FBN3: variants seen among roughly 807,000 people sequenced by gnomAD.
The protein encoded by FBN3 is fibrillin 3, also known as fibrillin-3.
Under a neutral mutation model 330.1 loss-of-function variants are expected in FBN3, and 234 were observed. The observed-to-expected ratio is 0.71, with a 90% CI of 0.64 to 0.79. FBN3 has a LOEUF of 0.79. FBN3 is among the 30% of genes least tolerant of loss of function. The pLI is 0.00. For synonymous variants in FBN3, 1,458 were observed against 1,517.3 expected (o/e 0.96, Z 0.91); for missense variants, 3,606 against 3,886.9 (o/e 0.93, Z 1.92).
chr19:8,085,625 A>G, intron 55 of FBN3, 56 bp from the exon 56 acceptor site: 1 of 1,373,074 alleles, frequency 7.3e-7, no homozygotes. Flanking sequence ...TTTGGGGGCA[A>G]AGACTGAGCT....
Position 8,106,272 on chromosome 19 carries a change from C to T in FBN3, c.4688-39G>A, listed in dbSNP as rs184065726. 17 of 1,612,754 alleles carry T rather than the reference C, an allele frequency of 1.1e-5. No individual in the cohort carries two copies. In the East Asian group the frequency reaches 3.3e-4, roughly 32 times the overall value. ...AGGAAGCCAAGCTTGGGAGCTAAAC[C>T]CATGCAGAGGACTTAAGGGGCACCC... is the stretch of plus-strand genomic sequence containing the variant. On this transcript the variant is annotated intron_variant, in intron 37 of 63. Transcript: ENST00000600128.
At chr19:8,091,398 T>G in intron 48 of FBN3, 67 bp downstream of exon 48, 1 of 1,578,594 alleles carries the variant, frequency 6.3e-7, no homozygotes, top group Non-Finnish European at 8.6e-7. Flanking sequence ...CAGCCCTCTT[T>G]TCTGGGCAAT....
In FBN3 at chr19:8,129,104, G is replaced by T. The variant is rs1177549118; in HGVS notation, c.2220C>A (p.Cys740Ter). The change falls in exon 18 of 64, where the codon TGC (cysteine) becomes TGA (stop). Residue 740 changes from cysteine to a stop codon, truncating the protein, a stop_gained. Transcript: ENST00000600128. LOFTEE classifies it high-confidence loss of function. The surrounding 1 kb of genome is among the most constrained non-coding windows in gnomAD (Gnocchi z 4.5). ...LNSLLCDNGW[C>*]QNSPGSYSCS... ...AGCTGTAGCTGCCAGGGCTATTCTG[G>T]CACCACCCGTTGTCACACAGGAGGC... The T allele has an allele frequency of 6.2e-7, 1 of 1,612,920 alleles. No individual in the cohort carries two copies. Among genetic ancestry groups the T allele is most frequent in the Non-Finnish European group, 8.5e-7 (1 of 1,179,858 alleles).
intron 8 of FBN3, among the ~76,000 whole-genome samples, chr19:8,140,967 C>A (rs1179841738): frequency 2.0e-5 from 3 of 151,340 alleles, no homozygotes; most frequent in African/African-American, 2.4e-5. Context: ...CCGAGGCGGG[C>A]GGATCACGAG....
rs752190396 is a variant in FBN3 at position 8,111,669 on chromosome 19, C to T, written c.4063G>A (p.Gly1355Arg). The T allele has an allele frequency of 9.6e-5, 154 of 1,610,942 alleles. No homozygotes were observed. The highest frequency in any genetic ancestry group is 1.2e-4 in the Non-Finnish European group (144 of 1,178,160). ...TCACCTTCGCAGAAGAAGCCATCCC[C>T]GGCAAAGCCCTGGCGGCAGGTGCAG... The part of the protein sequence containing the change: ...YRCTCRQGFA[G>R]DGFFCEDRDE... The change falls in exon 32 of 64, where the codon GGG (glycine) becomes AGG (arginine). Residue 1355 changes from glycine to arginine, a missense_variant. By Grantham distance (125) the Gly-to-Arg change is moderately radical. Transcript: ENST00000600128.
At position 8,135,937 on chromosome 19, in the gene FBN3, CCCACCCGCCCACCCCCA is replaced by C; in HGVS notation, c.1591+7_1591+23del. 1 of 116,776 alleles carries C rather than the reference CCCACCCGCCCACCCCCA, an allele frequency of 8.6e-6. No individual in the cohort carries two copies. The highest frequency in any genetic ancestry group is 1.6e-5 in the Non-Finnish European group (1 of 61,016). 7.2% of individuals were successfully genotyped at this position (116,776 alleles called of 1,614,324 possible). A position where few individuals can be genotyped will look rare whatever the true frequency, so the allele number is the denominator to read the frequency against. On this transcript the variant is annotated splice_region_variant and intron_variant, in intron 13 of 63. Coordinates refer to ENST00000600128, the MANE Select transcript of FBN3 (RefSeq NM_032447.5). ...AGCTAGTGGGGCCCGGAAGCCCCTGCCCACCCGCCCACCCCCAACTCACCCACACAGTTCTTGCCGTC... is the reference window on the plus strand; with the variant it reads ...AGCTAGTGGGGCCCGGAAGCCCCTGCACTCACCCACACAGTTCTTGCCGTC...
Position 8,103,658 on chromosome 19 carries a change from T to C in FBN3, c.4843A>G (p.Ile1615Val). 1.9e-6 allele frequency: 3 copies of C among 1,613,704 alleles called. No homozygotes were observed. The highest frequency in any genetic ancestry group is 2.5e-6 in the Non-Finnish European group (3 of 1,179,724). Residue 1615 changes from isoleucine to valine, a missense_variant, in exon 39 of 64, where the codon ATC becomes GTC. By Grantham distance (29) the Ile-to-Val change is conservative. Transcript: ENST00000600128. ...TTGTAGCAGGTGCCAGGGCCACAGA[T>C]GCCGGAGTGTGTGGAGCATTCGTCA... ...DIDECSTHSG[I>V]CGPGTCYNTL...
intron 59 of FBN3, among the ~76,000 whole-genome samples, chr19:8,076,082 G>T (rs1437953166): frequency 6.6e-6 from 1 of 152,124 alleles, no homozygotes; most frequent in Non-Finnish European, 1.5e-5. Flanking sequence ...CTCTGTCTCT[G>T]CCAAGTGAGG....
In FBN3 at chr19:8,087,934, G is replaced by C; in HGVS notation, c.6510C>G (p.Cys2170Trp). The C allele has an allele frequency of 6.2e-7, 1 of 1,614,150 alleles. No homozygotes were observed. The highest frequency in any genetic ancestry group is 8.5e-7 in the Non-Finnish European group (1 of 1,180,030). ...LMMTCEDIDE[C>W]SLNPLLCAFR... ...AGGCACAGAGCAGCGGGTTCAGGGA[G>C]CATTCGTCGATGTCTGGGGAGGCCA... The change falls in exon 53 of 64, where the codon TGC (cysteine) becomes TGG (tryptophan). Residue 2170 changes from cysteine (C) to tryptophan (W), a missense_variant. By Grantham distance (215) the Cys-to-Trp change is radical. Coordinates refer to ENST00000600128, the MANE Select transcript of FBN3 (RefSeq NM_032447.5).
chr19:8,068,241 A>G (rs1360488373), intron 63 of FBN3, among the ~76,000 whole-genome samples: 1 of 150,418 alleles, frequency 6.6e-6, no homozygotes, highest in Non-Finnish European at 1.5e-5. Context: ...AAAAAAAAAA[A>G]TTAGCTAGGC....
Position 8,129,256 on chromosome 19 carries a change from T to C in FBN3, c.2154A>G (p.Ser718=). 1 of 1,614,094 alleles carries C rather than the reference T, an allele frequency of 6.2e-7. No individual in the cohort carries two copies. The highest frequency in any genetic ancestry group is 2.2e-5 in the East Asian group (1 of 44,880). ...VCNLGYEAGA[S]GKDCTDVDEC... is the part of the protein sequence containing the mutation. ...CATGCTCACCTGTGCAGTCCTTGCC[T>C]GAGGCACCTGCCTCATAACCCAGGT... is the stretch of plus-strand genomic sequence containing the variant. The change falls in exon 17 of 64, where the codon TCA becomes TCG. Residue 718 remains serine, a synonymous_variant. Transcript: ENST00000600128. This position sits in a 1 kb window ranked among gnomAD's most constrained non-coding sequence, Gnocchi z 4.5.
chr19:8,067,585 A>G (rs1201979735), intron 63 of FBN3, among the ~76,000 whole-genome samples: 3 of 151,898 alleles, frequency 2.0e-5, no homozygotes, highest in African/African-American at 7.3e-5. Context: ...CTGTGATCAC[A>G]CCTCTGCACT....
At chr19:8,087,988 G>C in intron 52 of FBN3, 41 bp from the exon 53 acceptor site, 1 of 1,614,074 alleles carries the variant, frequency 6.2e-7, no homozygotes, top group Non-Finnish European at 8.5e-7. Flanking sequence ...TAGGGACTGA[G>C]GGCGGGACCT....
At chr19:8,112,349 T>C (rs945681047) in intron 30 of FBN3, among the ~76,000 whole-genome samples, 1 of 152,156 alleles carries the variant, frequency 6.6e-6, no homozygotes, top group Admixed American at 6.5e-5. Context: ...GGGGTAGATA[T>C]TAAGAGTGAC....
chr19:8,103,561 C>T lies in FBN3; in HGVS notation c.4939+1G>A, dbSNP rs1362564557. On this transcript the variant is annotated splice_donor_variant, in intron 39 of 63. Transcript: ENST00000600128. LOFTEE classifies it high-confidence loss of function. ...GTTCCCTAGGTCATCACGCTTCTTA[C>T]CCATGCAGTTGTTGCCACCATTGAC... The T allele has an allele frequency of 6.2e-7, 1 of 1,612,730 alleles. No individual in the cohort carries two copies.
Position 8,065,902 on chromosome 19 carries a change from A to G in FBN3, c.*17T>C, listed in dbSNP as rs1450152778. ...CCCCTTCTCTGGACAGCTGGGGCCC[A>G]CTGAGGCTCCTCCCAACTAAAGCAA... On this transcript the variant is annotated 3_prime_UTR_variant, in exon 64 of 64. Coordinates refer to ENST00000600128, the MANE Select transcript of FBN3 (RefSeq NM_032447.5). The G allele has an allele frequency of 6.5e-7, 1 of 1,543,284 alleles. No individual in the cohort carries two copies.
chr19:8,137,809 G>A (rs1384547939), intron 10 of FBN3, among the ~76,000 whole-genome samples: 6 of 152,076 alleles, frequency 3.9e-5, no homozygotes, highest in South Asian at 2.1e-4. Flanking sequence ...TCAATTTGCT[G>A]TAGAGACAGG....
In FBN3 at chr19:8,149,442, C is replaced by G. The variant is rs2083625512; in HGVS notation, c.-18+7G>C. 1 of 152,012 alleles carries G rather than the reference C, an allele frequency of 6.6e-6. No homozygotes were observed. Among genetic ancestry groups the G allele is most frequent in the Non-Finnish European group, 1.5e-5 (1 of 67,990 alleles). The allele number at this position is 152,012 out of a possible 1,614,324, so 9.4% of individuals were successfully genotyped here. ...CGCCCCGCCGCTGGCCCCGCGCCTTCACCTACCTGCGAGGCGGCGCGCGTG... is the reference window on the plus strand; with the variant it reads ...CGCCCCGCCGCTGGCCCCGCGCCTTGACCTACCTGCGAGGCGGCGCGCGTG... On this transcript the variant is annotated splice_region_variant and intron_variant, in intron 1 of 63. Coordinates refer to ENST00000600128, the MANE Select transcript of FBN3 (RefSeq NM_032447.5). This position sits in a 1 kb window ranked among gnomAD's most constrained non-coding sequence, Gnocchi z 5.5.
intron 10 of FBN3, among the ~76,000 whole-genome samples, chr19:8,136,882 G>GA (rs1159200725): frequency 1.4e-5 from 2 of 139,218 alleles, no homozygotes; most frequent in Admixed American, 7.2e-5. Context: ...TCCAACCTGG[G>GA]CCTGGATCCC....
Sources: gnomAD v4.1 joint callset for allele counts (sites outside exome capture counted in the v4.1 genomes callset) on GRCh38, gnomAD v4.1.1 for gene constraint, Gnocchi (gnomAD v3.1) non-coding constraint, MANE v1.5 for transcripts, NCBI Gene and HGNC (gene_info 2026-07-23, HGNC 2026-07-21) for gene names.